CYP20A1: variants seen among roughly 807,000 people sequenced by gnomAD.
CYP20A1 encodes cytochrome P450 family 20 subfamily A member 1.
In CYP20A1, 61 loss-of-function variants were observed where a neutral mutation model predicts 61.4. The ratio of observed to expected loss-of-function variants is 0.99; its 90% CI spans 0.81 to 1.23. The LOEUF (loss-of-function observed/expected upper bound fraction) is 1.23. Among genes scored for constraint, CYP20A1 ranks in the 50% most tolerant of loss-of-function variants. CYP20A1 has a pLI of 0.00. For missense variants in CYP20A1, 530 were observed against 542.4 expected, an observed-to-expected ratio of 0.98 and a Z score of 0.23; for synonymous variants, 193 against 188.2, an observed-to-expected ratio of 1.03 and a Z score of -0.21.
chr2:203,296,586 C>T, intron 12 of CYP20A1, 23 bp downstream of exon 12: 1 of 1,560,088 alleles, frequency 6.4e-7, no homozygotes, highest in Non-Finnish European at 8.8e-7. Context: ...ATGCCAGACT[C>T]TGTTCTTAGA....
At chr2:203,278,148 T>C (rs1353353829) in intron 6 of CYP20A1, among the ~76,000 whole-genome samples, 4 of 152,018 alleles carry the variant, frequency 2.6e-5, no homozygotes, top group Non-Finnish European at 5.9e-5. Context: ...TGGTGGCATG[T>C]CTGTAGTCCC....
chr2:203,261,891 A>G (rs1207328393), intron 4 of CYP20A1, among the ~76,000 whole-genome samples: 4 of 152,084 alleles, frequency 2.6e-5, no homozygotes, highest in East Asian at 3.9e-4. Flanking sequence ...CTGAGGCACA[A>G]CTGTTTTCGG....
intron 5 of CYP20A1, among the ~76,000 whole-genome samples, 179 bp from the exon 6 acceptor site, chr2:203,272,491 A>C (rs547591352): frequency 1.4e-5 from 2 of 141,230 alleles, no homozygotes; most frequent in Non-Finnish European, 3.0e-5. Context: ...GCAGTGAGCT[A>C]TGATCGTGCC....
At chr2:203,295,564 A>G (rs1315163239) in intron 11 of CYP20A1, among the ~76,000 whole-genome samples, 1 of 152,230 alleles carries the variant, frequency 6.6e-6, no homozygotes, top group East Asian at 1.9e-4. Context: ...TCTATGATTT[A>G]TCCTTATATT....
chr2:203,276,621 T>C (rs879354106), intron 6 of CYP20A1, among the ~76,000 whole-genome samples: 8 of 152,060 alleles, frequency 5.3e-5, no homozygotes, highest in Admixed American at 3.3e-4. Flanking sequence ...GACACCAAGG[T>C]TTTTGGCCTA....
intron 6 of CYP20A1, 134 bp from the exon 7 acceptor site, chr2:203,278,439 A>G (rs1057343518): frequency 4.1e-6 from 2 of 483,222 alleles, no homozygotes; most frequent in East Asian, 3.4e-5. Context: ...TTTAAACATA[A>G]ATTAGCTTTC....
At position 203,255,636 on chromosome 2, in the gene CYP20A1, C is replaced by T. The variant is rs185902931; in HGVS notation, c.432+3527C>T. Among the ~76,000 whole-genome samples, 169 of 152,240 alleles carry T rather than the reference C, an allele frequency of 1.1e-3. 1 individual carries two copies. The Middle Eastern group carries it at 0.014, about 12-fold the overall frequency. ...TATCTGTGGACTCTAGTTTGAAAAC[C>T]CCTTTGTTCTTGGGACAAACTCCAA... is the stretch of plus-strand genomic sequence containing the variant. On this transcript the variant is annotated intron_variant, in intron 4 of 12. Transcript: ENST00000356079.
intron 11 of CYP20A1, among the ~76,000 whole-genome samples, chr2:203,293,199 AAGC>A (rs2068615965): frequency 6.8e-6 from 1 of 147,610 alleles, no homozygotes. Flanking sequence ...ATTTTTAAAA[AAGC>A]AGAATTTCTC....
At position 203,296,541 on chromosome 2, in the gene CYP20A1, A is replaced by T. The variant is rs368620933; in HGVS notation, c.1216A>T (p.Thr406Ser). 79 of 1,611,992 alleles carry T rather than the reference A, an allele frequency of 4.9e-5. No homozygotes were observed. Among genetic ancestry groups the T allele is most frequent in the Non-Finnish European group, 6.3e-5 (74 of 1,178,684 alleles). The change falls in exon 12 of 13, where the codon ACA becomes TCA. Residue 406 changes from threonine (T) to serine (S), a missense_variant. Transcript: ENST00000356079. ...KTFSSLGFSGTQECPELRFAY... is the reference protein window; with the variant it reads ...KTFSSLGFSGSQECPELRFAY... ...TTTTTCCTCACTTGGATTCTCAGGC[A>T]CACAGGAGTGTCCAGAGTTGAGGTG...
In CYP20A1 at chr2:203,266,573, C is replaced by G. The variant is rs1013925220; in HGVS notation, c.492C>G (p.Leu164=). Residue 164 remains leucine, a synonymous_variant, in exon 5 of 13, where the codon CTC becomes CTG. Transcript: ENST00000356079. ...ACCCAGAGACCCAGCACGTGCCCCT[C>G]AGCCAGCATATGCTTGGTTTTGCTA... ...LSYPETQHVP[L]SQHMLGFAMK... is the part of the protein sequence containing the mutation. 1 of 1,613,838 alleles carries G rather than the reference C, an allele frequency of 6.2e-7. No individual in the cohort carries two copies. The highest frequency in any genetic ancestry group is 8.5e-7 in the Non-Finnish European group (1 of 1,179,852).
chr2:203,303,634 G>T lies in CYP20A1; in HGVS notation c.*6726G>T, dbSNP rs1238156270. Among the ~76,000 whole-genome samples the T allele has an allele frequency of 6.6e-6, 1 of 152,020 alleles. No homozygotes were observed. Among genetic ancestry groups the T allele is most frequent in the Non-Finnish European group, 1.5e-5 (1 of 68,008 alleles). ...CGCTTGAACCCAAGAGTCGGAGGTT[G>T]CAGTGAGCCGAGATCGCGCCATTGC... On this transcript the variant is annotated 3_prime_UTR_variant, in exon 13 of 13. Transcript: ENST00000356079.
rs578040688 is a variant in CYP20A1, at chr2:203,290,590, A to T, written c.1083+714A>T. ...CTAGCACTTGATACAGATTTGACTC[A>T]TTATTATTAATGGCTGCATAATATT... On this transcript the variant is annotated intron_variant, in intron 10 of 12. Transcript: ENST00000356079. Among the ~76,000 whole-genome samples, 12 of 152,288 alleles carry T rather than the reference A, an allele frequency of 7.9e-5. No homozygotes were observed. The South Asian group carries it at 2.5e-3, about 32-fold the overall frequency.
In CYP20A1 at chr2:203,244,816, T is replaced by C. The variant is rs866141464; in HGVS notation, c.73-1030T>C. 7.4e-5 allele frequency among the ~76,000 whole-genome samples: 11 copies of C among 149,282 alleles called. No individual in the cohort carries two copies. The South Asian group carries it at 1.1e-3, about 14-fold the overall frequency. On this transcript the variant is annotated intron_variant, in intron 1 of 12. Coordinates refer to ENST00000356079, the MANE Select transcript of CYP20A1 (RefSeq NM_177538.3). The stretch of plus-strand genomic sequence containing the variant: ...GGCGCGATCTAGGCTCACTGCAAGC[T>C]CCGCCTCCCAGGTTCACGCCATTCT...
At chr2:203,296,431 C>T (rs534986601) in intron 11 of CYP20A1, 43 bp from the exon 12 acceptor site, 2 of 1,197,082 alleles carry the variant, frequency 1.7e-6, no homozygotes, top group South Asian at 1.3e-5. Flanking sequence ...ATGTAAGATG[C>T]CAGTGGAGCT....
chr2:203,244,127 C>A (rs1166499093), intron 1 of CYP20A1, among the ~76,000 whole-genome samples: 1 of 152,042 alleles, frequency 6.6e-6, no homozygotes, highest in Non-Finnish European at 1.5e-5. Context: ...ATGCCCCCGC[C>A]CCCCGTCTCT....
At chr2:203,284,902 C>T (rs1036963409) in intron 8 of CYP20A1, among the ~76,000 whole-genome samples, 2 of 151,908 alleles carry the variant, frequency 1.3e-5, no homozygotes, top group Non-Finnish European at 2.9e-5. Context: ...CACACCACCA[C>T]ACCCAGCTGA....
rs994150568 is a variant in CYP20A1, at chr2:203,299,140, T to C, written c.*2232T>C. On this transcript the variant is annotated 3_prime_UTR_variant, in exon 13 of 13. Coordinates refer to ENST00000356079, the MANE Select transcript of CYP20A1 (RefSeq NM_177538.3). ...TAGCATTGTATATTAGTCCAACTTTTTTGGCTACACTATTTGTGAAGGATT... is the reference window on the plus strand; with the variant it reads ...TAGCATTGTATATTAGTCCAACTTTCTTGGCTACACTATTTGTGAAGGATT... Among the ~76,000 whole-genome samples, 1 of 152,220 alleles carries C rather than the reference T, an allele frequency of 6.6e-6. No individual in the cohort carries two copies. Among genetic ancestry groups the C allele is most frequent in the Non-Finnish European group, 1.5e-5 (1 of 68,032 alleles).
chr2:203,263,240 C>A (rs1183119625), intron 4 of CYP20A1, among the ~76,000 whole-genome samples: 1 of 151,178 alleles, frequency 6.6e-6, no homozygotes, highest in Non-Finnish European at 1.5e-5. Context: ...CAGCCCACCT[C>A]GGCCTCCCAA....
chr2:203,251,036 C>T (rs528742246), intron 3 of CYP20A1, among the ~76,000 whole-genome samples: 1 of 134,666 alleles, frequency 7.4e-6, no homozygotes, highest in Non-Finnish European at 1.5e-5. Flanking sequence ...TGCACTCCAG[C>T]CTGGGGGACA....
Sources: gnomAD v4.1 joint callset for allele counts (sites outside exome capture counted in the v4.1 genomes callset) on GRCh38, gnomAD v4.1.1 for gene constraint, MANE v1.5 for transcripts, NCBI Gene and HGNC (gene_info 2026-07-23, HGNC 2026-07-21) for gene names.